The following HMCN2 variants were observed in gnomAD, a reference collection of about 807,000 sequenced individuals.
HMCN2 encodes hemicentin 2.
In HMCN2, 325 loss-of-function variants were observed where a neutral mutation model predicts 377.5. That is an observed-to-expected ratio of 0.86 (90% CI 0.79 to 0.94). The LOEUF (loss-of-function observed/expected upper bound fraction) is 0.94, where lower values mean the gene tolerates loss of function less well. Ranked by LOEUF, HMCN2 falls within the 40% of genes least tolerant of loss-of-function variation. The pLI, the probability that HMCN2 is intolerant of heterozygous loss-of-function variation, is 0.00. For missense variants in HMCN2, 4,543 were observed against 4,725.3 expected, an observed-to-expected ratio of 0.96 and a Z score of 1.13; for synonymous variants, 2,007 against 2,046.8, an observed-to-expected ratio of 0.98 and a Z score of 0.53.
In HMCN2 at chr9:130,362,012, C is replaced by G; in HGVS notation, c.5955C>G (p.Pro1985=). ...CATGTCACCCCTGCCCTGCAGTGCC[C>G]CCTCGAATCACACTGCCACCCAGCC... ...ELRYGLRVNV[P]PRITLPPSLP... is the part of the protein sequence containing the mutation. The change falls in exon 39 of 98, where the codon CCC becomes CCG. Residue 1985 remains proline (P), a synonymous_variant. Transcript: ENST00000683500. 1 of 986,118 alleles carries G rather than the reference C, an allele frequency of 1.0e-6. No individual in the cohort carries two copies. Among genetic ancestry groups the G allele is most frequent in the African/African-American group, 1.7e-5 (1 of 57,368 alleles). The allele number at this position is 986,118 out of a possible 1,614,324, so 61.1% of individuals were successfully genotyped here.
In HMCN2 at chr9:130,303,887, T is replaced by C. The variant is rs73549532; in HGVS notation, c.1543+279T>C. Among the ~76,000 whole-genome samples, 13,921 of 152,214 alleles carry C rather than the reference T, an allele frequency of 0.091. 648 individuals carry two copies. Among genetic ancestry groups the C allele is most frequent in the East Asian group, 0.13 (681 of 5,172 alleles). On this transcript the variant is annotated intron_variant, in intron 10 of 97. Coordinates refer to ENST00000683500, the MANE Select transcript of HMCN2 (RefSeq NM_001291815.2). The surrounding 1 kb of genome is among the most constrained non-coding windows in gnomAD (Gnocchi z 5.2). ...AACTCTGACTTCTCGGGGCTCGGCT[T>C]TCAGGGGCCGCCATCCATCTCGTGG...
At chr9:130,278,404 G>A (rs1174034196) in intron 1 of HMCN2, among the ~76,000 whole-genome samples, 5 of 151,944 alleles carry the variant, frequency 3.3e-5, no homozygotes, top group African/African-American at 9.7e-5. Flanking sequence ...GATTACAGGC[G>A]TGAGCCACCG....
chr9:130,312,285 T>C (rs1170687916), intron 15 of HMCN2, among the ~76,000 whole-genome samples: 1 of 151,726 alleles, frequency 6.6e-6, no homozygotes, highest in Non-Finnish European at 1.5e-5. Context: ...AAATGAGACG[T>C]TGTGTGAGCA....
chr9:130,415,243 T>C (rs531765988), intron 85 of HMCN2, among the ~76,000 whole-genome samples: 1 of 152,268 alleles, frequency 6.6e-6, no homozygotes, highest in African/African-American at 2.4e-5. Flanking sequence ...AACTCACTTA[T>C]CATACCAGGA....
intron 88 of HMCN2, 32 bp from the exon 89 acceptor site, chr9:130,424,977 G>C: frequency 6.6e-7 from 1 of 1,521,238 alleles, no homozygotes; most frequent in Non-Finnish European, 8.8e-7. Context: ...ACCTCCCGTG[G>C]TGACTCTGGG....
At chr9:130,348,107 C>A in intron 26 of HMCN2, 5 of 899,988 alleles carry the variant, frequency 5.6e-6, no homozygotes, top group Non-Finnish European at 5.3e-6. Context: ...GTTCTACCAG[C>A]TCCTAACGCC....
Position 130,395,963 on chromosome 9 carries a change from C to T in HMCN2, c.10951C>T (p.Leu3651Phe). 2 of 1,287,602 alleles carry T rather than the reference C, an allele frequency of 1.6e-6. No homozygotes were observed. 79.8% of individuals were successfully genotyped at this position (1,287,602 alleles called of 1,614,324 possible). ...ACAATTCCCGGAGCGGGGCAGGTTC[C>T]TCCAGCTGCAGGCCCTGAGCACGGC... ...HTQFPERGRF[L>F]QLQALSTADS... The change falls in exon 72 of 98, where the codon CTC becomes TTC. Residue 3651 changes from leucine (L) to phenylalanine (F), a missense_variant. Coordinates refer to ENST00000683500, the MANE Select transcript of HMCN2 (RefSeq NM_001291815.2).
chr9:130,372,759 A>G (rs1841095132), intron 47 of HMCN2, among the ~76,000 whole-genome samples: 2 of 152,210 alleles, frequency 1.3e-5, no homozygotes, highest in Non-Finnish European at 2.9e-5. Flanking sequence ...CTTTCCAGAA[A>G]CAGCAGGGAC....
intron 86 of HMCN2, 43 bp downstream of exon 86, chr9:130,419,084 A>G: frequency 6.9e-7 from 1 of 1,448,632 alleles, no homozygotes; most frequent in South Asian, 1.5e-5. Flanking sequence ...CAGAGGCAGG[A>G]TCTCTTGCCG....
chr9:130,332,335 C>T (rs1212983315), intron 22 of HMCN2, among the ~76,000 whole-genome samples: 1 of 152,186 alleles, frequency 6.6e-6, no homozygotes, highest in African/African-American at 2.4e-5. Flanking sequence ...GTCCAGTCCT[C>T]GCTGTGCCCT....
chr9:130,346,987 G>A (rs1422956657), intron 25 of HMCN2, among the ~76,000 whole-genome samples, 179 bp from the exon 26 acceptor site: 2 of 152,276 alleles, frequency 1.3e-5, no homozygotes, highest in Non-Finnish European at 2.9e-5. Flanking sequence ...GGTGGCGGGT[G>A]TGGGGGCTCC....
intron 15 of HMCN2, among the ~76,000 whole-genome samples, chr9:130,314,637 C>T (rs1391255112): frequency 3.9e-5 from 6 of 152,280 alleles, no homozygotes; most frequent in South Asian, 2.1e-4. Flanking sequence ...TGCCCATCTG[C>T]ACAGTCTTCC....
intron 13 of HMCN2, among the ~76,000 whole-genome samples, chr9:130,307,236 C>T (rs1360706715): frequency 6.6e-6 from 1 of 152,088 alleles, no homozygotes; most frequent in African/African-American, 2.4e-5. Context: ...TCGGTCATGA[C>T]CTCTGTGAGG....
rs1204814867 is a variant in HMCN2, at chr9:130,376,525, C to T, written c.7928C>T (p.Ser2643Phe). Residue 2643 changes from serine to phenylalanine, a missense_variant, in exon 52 of 98, where the codon TCC becomes TTC. Around this residue, in one of 5 missense-constraint regions of HMCN2, gnomAD observed 736 missense variants for 773.2 expected, o/e 0.95. Transcript: ENST00000683500. Reference sequence around the variant, plus strand: ...CCCTCGTGCTTTTCAGTCCCCCCTTCCATCTCCAAAGACGACCCCTTGGCG... The same window carrying T: ...CCCTCGTGCTTTTCAGTCCCCCCTTTCATCTCCAAAGACGACCCCTTGGCG... ...NYHVEVLIPP[S>F]ISKDDPLAEV... 2.0e-6 allele frequency: 2 copies of T among 985,788 alleles called. No individual in the cohort carries two copies. The highest frequency in any genetic ancestry group is 2.4e-6 in the Non-Finnish European group (2 of 829,998). 61.1% of individuals were successfully genotyped at this position (985,788 alleles called of 1,614,324 possible).
In HMCN2 at chr9:130,295,721, G is replaced by A. The variant is rs564247747; in HGVS notation, c.840G>A (p.Ser280=). Residue 280 remains serine, a synonymous_variant, in exon 6 of 98, where the codon TCG becomes TCA. Transcript: ENST00000683500. ...GLNVLLNIPD[S]AKVVAFKPEH... ...ACGTGCTTCTCAACATCCCTGACTC[G>A]GCCAAGGTCGTAGCCTTTAAGCCTG... The A allele has an allele frequency of 5.9e-4, 277 of 471,090 alleles. 2 individuals are homozygous for A. The highest frequency in any genetic ancestry group is 4.1e-3 in the South Asian group (264 of 64,562). 29.2% of individuals were successfully genotyped at this position (471,090 alleles called of 1,614,324 possible). A position where few individuals can be genotyped will look rare whatever the true frequency, so the allele number is the denominator to read the frequency against.
chr9:130,364,278 G>T (rs561132989), intron 40 of HMCN2, among the ~76,000 whole-genome samples: 1 of 152,354 alleles, frequency 6.6e-6, no homozygotes, highest in South Asian at 2.1e-4. Context: ...TGGAGGGCAG[G>T]ATTCCACCCC....
chr9:130,409,844 T>TC (rs1374396008), intron 84 of HMCN2, among the ~76,000 whole-genome samples: 2 of 151,984 alleles, frequency 1.3e-5, no homozygotes, highest in Admixed American at 6.6e-5. Flanking sequence ...TGCCATGCTA[T>TC]CCCCCCCAGT....
chr9:130,318,825 G>A (rs1837698173), intron 15 of HMCN2, among the ~76,000 whole-genome samples: 1 of 152,206 alleles, frequency 6.6e-6, no homozygotes, highest in South Asian at 2.1e-4. Flanking sequence ...TTTTAATTCT[G>A]TCTGCTCTTT....
At position 130,308,630 on chromosome 9, in the gene HMCN2, G is replaced by T. The variant is rs1204993540; in HGVS notation, c.2200+1064G>T. 6.6e-6 allele frequency among the ~76,000 whole-genome samples: 1 copy of T among 152,046 alleles called. No individual in the cohort carries two copies. Among genetic ancestry groups the T allele is most frequent in the South Asian group, 2.1e-4 (1 of 4,820 alleles). On this transcript the variant is annotated intron_variant, in intron 14 of 97. Transcript: ENST00000683500. This position sits in a 1 kb window ranked among gnomAD's most constrained non-coding sequence, Gnocchi z 4.1. ...GCTCAGAGTTGAGCGTTTTTTTTAGGGTCACCAGCAAGTGGGTGGCACAGG... is the reference window on the plus strand; with the variant it reads ...GCTCAGAGTTGAGCGTTTTTTTTAGTGTCACCAGCAAGTGGGTGGCACAGG...
Sources: allele counts gnomAD v4.1 joint callset (sites outside exome capture counted in the v4.1 genomes callset), GRCh38; gene constraint gnomAD v4.1.1; regional missense constraint gnomAD v4.1.1; non-coding constraint Gnocchi (gnomAD v3.1); transcripts MANE v1.5; gene names NCBI Gene and HGNC (gene_info 2026-07-23, HGNC 2026-07-21).